RBFOX2: variants seen among roughly 807,000 people sequenced by gnomAD.
RBFOX2 encodes RNA binding protein fox-1 homolog 2.
In RBFOX2, 10 loss-of-function variants were observed where a neutral mutation model predicts 49.1. That is an observed-to-expected ratio of 0.20 (90% confidence interval 0.13 to 0.35). The LOEUF (loss-of-function observed/expected upper bound fraction) is 0.35, where lower values mean the gene tolerates loss of function less well. RBFOX2 is among the 10% of genes least tolerant of loss of function. The pLI is 1.00. For missense variants in RBFOX2, 323 were observed against 486.9 expected (o/e 0.66, Z 3.17); for synonymous variants, 183 against 187.4 (o/e 0.98, Z 0.19).
chr22:35,941,355 GAAGA>G (rs983431777), upstream of RBFOX2, among the ~76,000 whole-genome samples: 13 of 152,220 alleles, frequency 8.5e-5, no homozygotes, highest in African/African-American at 2.4e-4. Context: ...TGGAAAAGAG[GAAGA>G]GATAGAGGCA....
In RBFOX2 at chr22:35,849,328, CACACAG is replaced by C. The variant is rs1443071978; in HGVS notation, c.-33-39330_-33-39325del. Among the ~76,000 whole-genome samples the C allele has an allele frequency of 8.7e-5, 13 of 149,896 alleles. No individual in the cohort carries two copies. The South Asian group carries it at 2.3e-3, about 27-fold the overall frequency. On this transcript the variant is annotated intron_variant, in intron 1 of 13. Transcript: ENST00000359369. ...ACACACACACACACACACACACACA[CACACAG>C]ACACACAGAATCTCTCCAAAGTTTC...
rs375088964 is a variant in RBFOX2 at position 35,977,722 on chromosome 22, C to CTATATA, written c.187-38831_187-38826dup. 2.3e-3 allele frequency among the ~76,000 whole-genome samples: 184 copies of CTATATA among 80,840 alleles called. 1 individual carries two copies. Among genetic ancestry groups the CTATATA allele is most frequent in the Non-Finnish European group, 3.3e-3 (137 of 42,026 alleles). The allele number at this position is 80,840 out of a possible 152,430, so 53.0% of individuals were successfully genotyped here. ...TGCATGTAAATTATACCTGAATGAA[C>CTATATA]TATATATATATATATATATATATAT... On this transcript the variant is annotated intron_variant, in intron 1 of 13. Coordinates refer to the RBFOX2 transcript ENST00000438146.
At chr22:35,923,464 T>C (rs1222750218) in intron 1 of RBFOX2, among the ~76,000 whole-genome samples, 1 of 152,144 alleles carries the variant, frequency 6.6e-6, no homozygotes, top group Non-Finnish European at 1.5e-5. Context: ...CTCGAACTCC[T>C]AGGTTCAGGC....
At chr22:36,004,544 C>A (rs1051946871) in intron 1 of RBFOX2, among the ~76,000 whole-genome samples, 2 of 152,136 alleles carry the variant, frequency 1.3e-5, no homozygotes, top group African/African-American at 4.8e-5. Flanking sequence ...GCCTATAACC[C>A]CAGCACTTTG....
chr22:35,976,337 C>T (rs549172211), intron 1 of RBFOX2, among the ~76,000 whole-genome samples: 2 of 143,870 alleles, frequency 1.4e-5, no homozygotes, highest in African/African-American at 5.8e-5. Flanking sequence ...ACCACCACCA[C>T]CCCCCCCTCT....
intron 1 of RBFOX2, among the ~76,000 whole-genome samples, chr22:35,917,628 A>T (rs1271181651): frequency 6.6e-6 from 1 of 152,088 alleles, no homozygotes; most frequent in East Asian, 1.9e-4. Context: ...AATTATAATC[A>T]CGTAGTCATG....
intron 1 of RBFOX2, among the ~76,000 whole-genome samples, chr22:35,861,299 T>A (rs1214283150): frequency 1.3e-5 from 2 of 152,032 alleles, no homozygotes; most frequent in East Asian, 3.9e-4. Flanking sequence ...AAAAGAACAA[T>A]AAATTGGACT....
intron 4 of RBFOX2, among the ~76,000 whole-genome samples, chr22:35,775,841 C>CAAAAAAAAAAAAAAAAAAAAAA (rs753116056): frequency 1.4e-4 from 8 of 56,136 alleles, no homozygotes; most frequent in African/African-American, 2.1e-4. Flanking sequence ...GAATCTGCCT[C>CAAAAAAAAAAAAAAAAAAAAAA]AAAAAAAAAA....
chr22:35,848,146 G>T (rs950854498), intron 1 of RBFOX2, among the ~76,000 whole-genome samples: 1 of 152,074 alleles, frequency 6.6e-6, no homozygotes, highest in African/African-American at 2.4e-5. Context: ...TGCTGGTTGT[G>T]GGTCAGAAAT....
chr22:35,798,405 A>G (rs997751792), intron 2 of RBFOX2, among the ~76,000 whole-genome samples: 1 of 152,236 alleles, frequency 6.6e-6, no homozygotes, highest in Admixed American at 6.5e-5. Flanking sequence ...GTTGTTCAAT[A>G]TAATTTATGG....
intron 5 of RBFOX2, among the ~76,000 whole-genome samples, chr22:35,767,242 GAAC>G (rs1331492092): frequency 1.3e-5 from 2 of 150,706 alleles, no homozygotes; most frequent in South Asian, 2.1e-4. Flanking sequence ...AAAGGAAGAG[GAAC>G]AACAAGTCAA....
At chr22:35,746,550 T>A in exon 10 of RBFOX2, 1 of 1,599,042 alleles carries the variant, frequency 6.3e-7, no homozygotes, top group South Asian at 1.1e-5. Flanking sequence ...ATCTGTAGGC[T>A]GCATATCCAC....
chr22:35,840,776 A>C (rs1038626688), upstream of RBFOX2, among the ~76,000 whole-genome samples: 1 of 152,242 alleles, frequency 6.6e-6, no homozygotes, highest in African/African-American at 2.4e-5. Context: ...GTTCATACAG[A>C]TTTAAGAGAT....
chr22:35,791,622 C>A (rs1947679790), intron 2 of RBFOX2, among the ~76,000 whole-genome samples: 1 of 152,120 alleles, frequency 6.6e-6, no homozygotes, highest in African/African-American at 2.4e-5. Flanking sequence ...TTAAATCTAA[C>A]ATTACTATTA....
intron 1 of RBFOX2, among the ~76,000 whole-genome samples, chr22:35,855,741 T>A (rs561871119): frequency 6.6e-6 from 1 of 151,862 alleles, no homozygotes; most frequent in South Asian, 2.1e-4. Context: ...TTTTAACACT[T>A]GGGTCGGGCA....
chr22:35,769,640 C>T (rs569352399), intron 4 of RBFOX2, among the ~76,000 whole-genome samples: 18 of 152,268 alleles, frequency 1.2e-4, no homozygotes, highest in Non-Finnish European at 2.1e-4. Context: ...GTCCTGCTAG[C>T]GTTTTTTGAA....
chr22:35,761,473 A>T lies in RBFOX2; in HGVS notation c.608-5T>A. 3 of 1,614,008 alleles carry T rather than the reference A, an allele frequency of 1.9e-6. No individual in the cohort carries two copies. The highest frequency in any genetic ancestry group is 2.5e-6 in the Non-Finnish European group (3 of 1,179,880). ...CTACTGGGCTTAATTTCCAACCTGA[A>T]ACACACAAAATGGAAGGTAAGCATT... is the stretch of plus-strand genomic sequence containing the variant. On this transcript the variant is annotated splice_region_variant and splice_polypyrimidine_tract_variant and intron_variant, in intron 6 of 11. Coordinates refer to ENST00000405409, the Ensembl canonical transcript of RBFOX2.
intron 1 of RBFOX2, among the ~76,000 whole-genome samples, chr22:36,006,613 C>A (rs2058627654): frequency 6.6e-6 from 1 of 152,196 alleles, no homozygotes; most frequent in East Asian, 1.9e-4. Context: ...TGCAAGAGAA[C>A]AGCAGTGTGC....
exon 12 of RBFOX2, chr22:35,741,513 G>A (rs529527074): frequency 6.6e-6 from 1 of 152,616 alleles, no homozygotes; most frequent in East Asian, 1.9e-4. Context: ...AGGTGACGGG[G>A]AGGTTGATAC....
Sources: allele counts gnomAD v4.1 joint callset (sites outside exome capture counted in the v4.1 genomes callset), GRCh38; gene constraint gnomAD v4.1.1; transcripts MANE v1.5; gene names NCBI Gene and HGNC (gene_info 2026-07-23, HGNC 2026-07-21).